MICU1: variants seen among roughly 807,000 people sequenced by gnomAD.
MICU1 encodes the protein mitochondrial calcium uptake 1, also known as calcium uptake protein 1, mitochondrial.
MICU1 carries 45 observed loss-of-function variants against 56.8 expected under a neutral mutation model. The ratio of observed to expected loss-of-function variants is 0.79; its 90% CI spans 0.62 to 1.02. The LOEUF (loss-of-function observed/expected upper bound fraction) is 1.02, where lower values mean the gene tolerates loss of function less well. Ranked by LOEUF, MICU1 falls within the 50% of genes least tolerant of loss-of-function variation. MICU1 has a pLI of 0.00. For synonymous variants in MICU1, 186 were observed against 195.1 expected, an observed-to-expected ratio of 0.95 and a Z score of 0.39; for missense variants, 504 against 587.1, an observed-to-expected ratio of 0.86 and a Z score of 1.46.
At chr10:72,445,369 T>G (rs1865073927) in intron 8 of MICU1, among the ~76,000 whole-genome samples, 1 of 152,156 alleles carries the variant, frequency 6.6e-6, no homozygotes, top group Non-Finnish European at 1.5e-5. Flanking sequence ...CAAATCAGGG[T>G]AGATGTCTGA....
chr10:72,602,976 C>T (rs1841581388), intron 1 of MICU1, among the ~76,000 whole-genome samples: 1 of 147,078 alleles, frequency 6.8e-6, no homozygotes. Flanking sequence ...ATTAGCCGGG[C>T]GTGGTGGCGG....
chr10:72,524,524 C>T (rs909336233), intron 5 of MICU1, among the ~76,000 whole-genome samples: 4 of 152,188 alleles, frequency 2.6e-5, no homozygotes, highest in Non-Finnish European at 5.9e-5. Flanking sequence ...CCTTTTAAAT[C>T]ATGCTGGGTA....
chr10:72,394,259 CA>C (rs1329392129), intron 10 of MICU1, among the ~76,000 whole-genome samples: 1 of 152,144 alleles, frequency 6.6e-6, no homozygotes, highest in Non-Finnish European at 1.5e-5. Flanking sequence ...AACAAGGTCA[CA>C]ATCACAGGTT....
At position 72,407,023 on chromosome 10, in the gene MICU1, C is replaced by T. The variant is rs149725951; in HGVS notation, c.1180+906G>A. Among the ~76,000 whole-genome samples the T allele has an allele frequency of 7.1e-4, 108 of 152,188 alleles. No individual in the cohort carries two copies. The East Asian group carries it at 7.1e-3, about 10-fold the overall frequency. On this transcript the variant is annotated intron_variant, in intron 10 of 11. Transcript: ENST00000361114. Reference sequence around the variant, plus strand: ...CAAAAACATTGAGTGAAACCTTAGACGAGTGTACATTTATATAATTCCAAT... The same window carrying T: ...CAAAAACATTGAGTGAAACCTTAGATGAGTGTACATTTATATAATTCCAAT...
intron 1 of MICU1, among the ~76,000 whole-genome samples, chr10:72,578,173 A>G (rs954981437): frequency 6.6e-6 from 1 of 152,204 alleles, no homozygotes; most frequent in African/African-American, 2.4e-5. Flanking sequence ...ACACCTGATT[A>G]GCCATCAACA....
At chr10:72,418,914 A>C (rs1864069816) in intron 9 of MICU1, among the ~76,000 whole-genome samples, 1 of 152,216 alleles carries the variant, frequency 6.6e-6, no homozygotes, top group South Asian at 2.1e-4. Flanking sequence ...AATCAATCTT[A>C]ATCTCGTTGC....
In MICU1 at chr10:72,380,719, G is replaced by A. The variant is rs541092364; in HGVS notation, c.1181-4847C>T. Among the ~76,000 whole-genome samples, 18 of 152,266 alleles carry A rather than the reference G, an allele frequency of 1.2e-4. No homozygotes were observed. In the Middle Eastern group the frequency reaches 0.014, roughly 115 times the overall value. ...CTAGATGGTAACAGAGCTGGGTCTC[G>A]AATTTTGGCTGGTGCCCTTTCCCTA... On this transcript the variant is annotated intron_variant, in intron 10 of 11. Coordinates refer to ENST00000361114, the MANE Select transcript of MICU1 (RefSeq NM_001195518.2).
chr10:72,383,761 T>C (rs1170514701), intron 10 of MICU1, among the ~76,000 whole-genome samples: 1 of 152,120 alleles, frequency 6.6e-6, no homozygotes, highest in Non-Finnish European at 1.5e-5. Context: ...TTCAGTTTGT[T>C]GAAATTAAAG....
chr10:72,449,356 C>G (rs1865223111), intron 8 of MICU1, among the ~76,000 whole-genome samples: 1 of 152,094 alleles, frequency 6.6e-6, no homozygotes, highest in Non-Finnish European at 1.5e-5. Context: ...TTAGATTGCA[C>G]CACTGCACTC....
At chr10:72,371,710 C>T (rs185418009) in intron 11 of MICU1, among the ~76,000 whole-genome samples, 4 of 152,052 alleles carry the variant, frequency 2.6e-5, no homozygotes, top group Non-Finnish European at 5.9e-5. Context: ...TGCCATTGCA[C>T]TCCAGCCTGA....
At chr10:72,557,933 T>C (rs1840198634) in intron 3 of MICU1, among the ~76,000 whole-genome samples, 1 of 152,216 alleles carries the variant, frequency 6.6e-6, no homozygotes. Context: ...CATCTTTTAA[T>C]ATTCGTGTTT....
chr10:72,544,332 G>A (rs1227159092), intron 4 of MICU1, among the ~76,000 whole-genome samples: 1 of 152,170 alleles, frequency 6.6e-6, no homozygotes, highest in Non-Finnish European at 1.5e-5. Context: ...TTAACCCGGT[G>A]TCTGAGGGGT....
chr10:72,389,229 A>T (rs79256098), intron 10 of MICU1, among the ~76,000 whole-genome samples: 6,240 of 152,266 alleles, frequency 0.041, 420 homozygotes, highest in African/African-American at 0.14. Context: ...CTCCATCAGT[A>T]ATTTCTGACT....
At chr10:72,514,174 C>T (rs1867572652) in intron 5 of MICU1, among the ~76,000 whole-genome samples, 1 of 152,074 alleles carries the variant, frequency 6.6e-6, no homozygotes, top group South Asian at 2.1e-4. Context: ...TTTTCAGTTC[C>T]AGAACTTCTA....
At chr10:72,433,529 A>G in intron 8 of MICU1, among the ~76,000 whole-genome samples, 1 of 150,008 alleles carries the variant, frequency 6.7e-6, no homozygotes, top group Non-Finnish European at 1.5e-5. Flanking sequence ...CCAGGTTCAC[A>G]CCATTCTCCT....
intron 8 of MICU1, among the ~76,000 whole-genome samples, chr10:72,433,150 G>A (rs1280136094): frequency 1.3e-5 from 2 of 151,526 alleles, no homozygotes; most frequent in Non-Finnish European, 2.9e-5. Flanking sequence ...ATGTTGGCCA[G>A]GCTGGTCTTG....
intron 1 of MICU1, chr10:72,582,751 A>C (rs1840934442): frequency 6.7e-6 from 1 of 150,090 alleles, no homozygotes; most frequent in African/African-American, 2.5e-5. Flanking sequence ...GCCACTGCAC[A>C]CCAGCCTAGA....
chr10:72,441,923 T>A (rs1408752281), intron 8 of MICU1, among the ~76,000 whole-genome samples: 9 of 152,056 alleles, frequency 5.9e-5, no homozygotes, highest in Admixed American at 2.6e-4. Flanking sequence ...CGGTCTCAAG[T>A]CAATATCTTT....
At chr10:72,422,856 C>T (rs1352262253) in intron 9 of MICU1, among the ~76,000 whole-genome samples, 6 of 42,120 alleles carry the variant, frequency 1.4e-4, no homozygotes, top group Middle Eastern at 0.011. Context: ...ATTATGGGCA[C>T]GCGCCACCAT....
Sources: gnomAD v4.1 joint callset for allele counts (sites outside exome capture counted in the v4.1 genomes callset) on GRCh38, gnomAD v4.1.1 for gene constraint, MANE v1.5 for transcripts, NCBI Gene and HGNC (gene_info 2026-07-23, HGNC 2026-07-21) for gene names.